CEP128: variants seen among roughly 807,000 people sequenced by gnomAD.
The protein encoded by CEP128 is centrosomal protein 128, also known as centrosomal protein 128kDa.
A neutral mutation model predicts 156.7 loss-of-function variants in CEP128; 132 were observed. That is an observed-to-expected ratio of 0.84 (90% CI 0.73 to 0.97). CEP128 has a LOEUF of 0.97. Among genes scored for constraint, CEP128 ranks in the 50% least tolerant of loss-of-function variants. The pLI is 0.00. For missense variants in CEP128, 1,252 were observed against 1,281.9 expected, an observed-to-expected ratio of 0.98 and a Z score of 0.36; for synonymous variants, 469 against 448.9, an observed-to-expected ratio of 1.04 and a Z score of -0.57.
chr14:80,733,605 A>T (rs1411977384), intron 19 of CEP128, among the ~76,000 whole-genome samples: 1 of 152,180 alleles, frequency 6.6e-6, no homozygotes, highest in Non-Finnish European at 1.5e-5. Flanking sequence ...TGCTTACAGG[A>T]AAACTTTCAA....
chr14:80,900,905 G>A (rs544703834), intron 6 of CEP128, among the ~76,000 whole-genome samples: 1 of 152,192 alleles, frequency 6.6e-6, no homozygotes, highest in Non-Finnish European at 1.5e-5. Context: ...AAAAGATGGA[G>A]TATAAAAGAG....
At chr14:80,945,127 T>C (rs558992018), upstream of CEP128, among the ~76,000 whole-genome samples, 1 of 152,292 alleles carries the variant, frequency 6.6e-6, no homozygotes, top group Non-Finnish European at 1.5e-5. Flanking sequence ...AAGTCCGAGA[T>C]CAATGTGTCA....
chr14:80,534,552 G>A (rs751685032), intron 21 of CEP128, among the ~76,000 whole-genome samples: 43 of 152,186 alleles, frequency 2.8e-4, no homozygotes, highest in African/African-American at 9.7e-4. Context: ...AGGGCCGGAC[G>A]TGGTGGCTCA....
intron 8 of CEP128, among the ~76,000 whole-genome samples, chr14:80,875,524 T>C (rs1004493487): frequency 1.1e-4 from 17 of 152,092 alleles, no homozygotes; most frequent in African/African-American, 3.6e-4. Flanking sequence ...AACAGACACA[T>C]TGAAGATCTA....
At chr14:80,865,214 A>T (rs767413571) in intron 8 of CEP128, among the ~76,000 whole-genome samples, 4 of 152,176 alleles carry the variant, frequency 2.6e-5, no homozygotes, top group Non-Finnish European at 5.9e-5. Context: ...CATTTAGCAT[A>T]ATGTCTTTCA....
chr14:80,719,216 A>C (rs1431268642), intron 19 of CEP128, among the ~76,000 whole-genome samples: 2 of 152,300 alleles, frequency 1.3e-5, no homozygotes, highest in African/African-American at 4.8e-5. Context: ...TGGAAGTTCT[A>C]AATAACCTGC....
chr14:80,950,166 C>A (rs1412378362), intron 2 of CEP128, among the ~76,000 whole-genome samples: 1 of 152,034 alleles, frequency 6.6e-6, no homozygotes, highest in Non-Finnish European at 1.5e-5. Context: ...AGTGATATAA[C>A]CCAAAAGATG....
intron 2 of CEP128, among the ~76,000 whole-genome samples, chr14:80,930,622 T>G (rs1365265851): frequency 1.3e-5 from 2 of 152,228 alleles, no homozygotes; most frequent in African/African-American, 4.8e-5. Flanking sequence ...GCCTGCTTTG[T>G]GTATGTGATG....
chr14:80,851,418 C>T (rs993842834), intron 9 of CEP128, among the ~76,000 whole-genome samples: 15 of 151,944 alleles, frequency 9.9e-5, no homozygotes, highest in Admixed American at 2.6e-4. Context: ...ACAATTGAGC[C>T]TGAGGAACGA....
Position 80,786,041 on chromosome 14 carries a change from A to T in CEP128, c.1561-496T>A, listed in dbSNP as rs74064545. Among the ~76,000 whole-genome samples the T allele has an allele frequency of 6.8e-3, 1,035 of 152,308 alleles. 14 individuals carry two copies. Among genetic ancestry groups the T allele is most frequent in the African/African-American group, 0.024 (990 of 41,558 alleles). Reference sequence around the variant, plus strand: ...AAGAAAGTTTACGGTACATTCAGCCATTATTTTTAAAATATCAATGGTGAC... The same window carrying T: ...AAGAAAGTTTACGGTACATTCAGCCTTTATTTTTAAAATATCAATGGTGAC... On this transcript the variant is annotated intron_variant, in intron 14 of 24. Coordinates refer to ENST00000555265, the MANE Select transcript of CEP128 (RefSeq NM_152446.5).
At chr14:80,540,829 G>C (rs897105460) in intron 21 of CEP128, among the ~76,000 whole-genome samples, 5 of 152,028 alleles carry the variant, frequency 3.3e-5, no homozygotes, top group African/African-American at 1.2e-4. Context: ...TTTGCATAGA[G>C]GTCTGTGAAA....
intron 19 of CEP128, among the ~76,000 whole-genome samples, chr14:80,630,150 G>A (rs1001290304): frequency 1.3e-5 from 2 of 151,826 alleles, no homozygotes; most frequent in African/African-American, 4.8e-5. Flanking sequence ...GGTTATACTA[G>A]TGGTTTAAAA....
intron 19 of CEP128, among the ~76,000 whole-genome samples, chr14:80,617,534 C>A (rs1392348054): frequency 6.6e-6 from 1 of 152,042 alleles, no homozygotes; most frequent in African/African-American, 2.4e-5. Flanking sequence ...CGCGCCCGGC[C>A]GTGAATATCA....
chr14:80,686,571 T>C (rs1315557086), intron 19 of CEP128, among the ~76,000 whole-genome samples: 2 of 152,068 alleles, frequency 1.3e-5, no homozygotes, highest in African/African-American at 2.4e-5. Context: ...AATTCACATA[T>C]AACAATATTA....
At chr14:80,760,038 A>G (rs992674845) in intron 17 of CEP128, among the ~76,000 whole-genome samples, 69 of 152,128 alleles carry the variant, frequency 4.5e-4, no homozygotes, top group African/African-American at 1.6e-3. Context: ...TAGAATAAAT[A>G]TTGCATTGCT....
chr14:80,914,081 T>C (rs1884406143), intron 4 of CEP128, among the ~76,000 whole-genome samples: 2 of 152,226 alleles, frequency 1.3e-5, no homozygotes, highest in African/African-American at 4.8e-5. Flanking sequence ...ATTAAATTCA[T>C]GTCTTGAATT....
At chr14:80,614,721 C>T (rs1475977398) in intron 19 of CEP128, among the ~76,000 whole-genome samples, 1 of 152,136 alleles carries the variant, frequency 6.6e-6, no homozygotes, top group Non-Finnish European at 1.5e-5. Flanking sequence ...AGTCAAATAT[C>T]GTGTTATCTC....
chr14:80,613,638 T>C (rs1157492988), intron 19 of CEP128, among the ~76,000 whole-genome samples: 1 of 152,084 alleles, frequency 6.6e-6, no homozygotes. Flanking sequence ...TAAAATTATT[T>C]TTCCAAAATT....
intron 8 of CEP128, among the ~76,000 whole-genome samples, chr14:80,885,700 A>G (rs1888763093): frequency 6.6e-6 from 1 of 152,158 alleles, no homozygotes; most frequent in South Asian, 2.1e-4. Flanking sequence ...TGAAAATTCC[A>G]AAAACCAGAA....
Sources: allele counts gnomAD v4.1 joint callset (sites outside exome capture counted in the v4.1 genomes callset), GRCh38; gene constraint gnomAD v4.1.1; transcripts MANE v1.5; gene names NCBI Gene and HGNC (gene_info 2026-07-23, HGNC 2026-07-21).